NEK7: variants seen among roughly 807,000 people sequenced by gnomAD.
The protein encoded by NEK7 is NIMA related kinase 7.
NEK7 carries 18 observed loss-of-function variants against 44.6 expected under a neutral mutation model. The ratio of observed to expected loss-of-function variants is 0.40; its 90% CI spans 0.28 to 0.60. NEK7 has a LOEUF of 0.60. NEK7 is among the 20% of genes least tolerant of loss of function. The probability of loss-of-function intolerance (pLI) is 0.38; values close to 1 mark genes in which losing one functional copy is unlikely to be tolerated. For missense variants in NEK7, 256 were observed against 366.5 expected, an observed-to-expected ratio of 0.70 and a Z score of 2.46; for synonymous variants, 130 against 121.1, an observed-to-expected ratio of 1.07 and a Z score of -0.48.
At chr1:198,225,394 G>A (rs1666187834) in intron 1 of NEK7, among the ~76,000 whole-genome samples, 1 of 152,078 alleles carries the variant, frequency 6.6e-6, no homozygotes, top group Admixed American at 6.6e-5. Context: ...TTGAAAGCTG[G>A]TGGGGGATGA....
chr1:198,167,026 A>T (rs1664288237), intron 1 of NEK7, among the ~76,000 whole-genome samples: 1 of 152,214 alleles, frequency 6.6e-6, no homozygotes, highest in Admixed American at 6.5e-5. Flanking sequence ...TTCTGTCACC[A>T]TTCTGCAGGC....
At chr1:198,269,089 T>C (rs1248059606) in intron 5 of NEK7, among the ~76,000 whole-genome samples, 4 of 152,068 alleles carry the variant, frequency 2.6e-5, no homozygotes, top group Non-Finnish European at 5.9e-5. Context: ...ATTTTATTGG[T>C]GTTTGTATTT....
intron 8 of NEK7, among the ~76,000 whole-genome samples, chr1:198,296,290 T>G (rs1654713376): frequency 6.6e-6 from 1 of 152,234 alleles, no homozygotes; most frequent in African/African-American, 2.4e-5. Context: ...CTTGCTGCTG[T>G]GGTTCAAAGA....
intron 1 of NEK7, among the ~76,000 whole-genome samples, chr1:198,175,947 A>ATG: frequency 6.6e-6 from 1 of 152,306 alleles, no homozygotes; most frequent in South Asian, 2.1e-4. Context: ...AGAGATAATG[A>ATG]TGTGAGACCT....
chr1:198,279,035 C>G lies in NEK7; in HGVS notation c.563C>G (p.Ser188Ter), dbSNP rs775916237. 1 of 1,607,522 alleles carries G rather than the reference C, an allele frequency of 6.2e-7. No individual in the cohort carries two copies. The highest frequency in any genetic ancestry group is 8.5e-7 in the Non-Finnish European group (1 of 1,174,762). Residue 188 changes from serine to a stop codon, truncating the protein, a stop_gained, in exon 7 of 10, where the codon TCA (serine) becomes TGA (stop). Coordinates refer to ENST00000367385, the MANE Select transcript of NEK7 (RefSeq NM_133494.3). LOFTEE classifies it high-confidence loss of function. The stretch of plus-strand genomic sequence containing the variant: ...CTTGGGCTTGGCCGGTTTTTCAGCT[C>G]AAAAACCACAGCTGCACATTCTTTA... The part of the protein sequence containing the change: ...GDLGLGRFFS[S>*]KTTAAHSLVG...
intron 1 of NEK7, among the ~76,000 whole-genome samples, chr1:198,195,255 A>C (rs1473846969): frequency 6.6e-6 from 1 of 152,192 alleles, no homozygotes; most frequent in Non-Finnish European, 1.5e-5. Context: ...AGACTAAAAA[A>C]AAACAGGGAG....
At chr1:198,240,973 G>A (rs555406544) in intron 2 of NEK7, among the ~76,000 whole-genome samples, 5 of 152,310 alleles carry the variant, frequency 3.3e-5, no homozygotes, top group East Asian at 3.9e-4. Context: ...GATTACAGGC[G>A]TGAGCCACCA....
rs917871654 is a variant in NEK7, at chr1:198,173,244, C to T, written c.-29+15968C>T. ...GGGAGTTCAAGACCAGCATGAGCAA[C>T]ATAGGGAGACCCTGTCTCTACAAAA... On this transcript the variant is annotated intron_variant, in intron 1 of 9. Coordinates refer to ENST00000367385, the MANE Select transcript of NEK7 (RefSeq NM_133494.3). Among the ~76,000 whole-genome samples the T allele has an allele frequency of 2.6e-5, 4 of 151,904 alleles. No homozygotes were observed. In the South Asian group the frequency reaches 8.3e-4, roughly 31 times the overall value.
chr1:198,287,759 A>G lies in NEK7; in HGVS notation c.590-5186A>G, dbSNP rs187552882. Among the ~76,000 whole-genome samples, 14 of 151,826 alleles carry G rather than the reference A, an allele frequency of 9.2e-5. No homozygotes were observed. In the East Asian group the frequency reaches 2.5e-3, roughly 27 times the overall value. On this transcript the variant is annotated intron_variant, in intron 7 of 9. Coordinates refer to ENST00000367385, the MANE Select transcript of NEK7 (RefSeq NM_133494.3). Reference sequence around the variant, plus strand: ...AAAAAGCTAACTAAAACTCTCTGATATTGATCCTTGTGCTAAACAAATATT... The same window carrying G: ...AAAAAGCTAACTAAAACTCTCTGATGTTGATCCTTGTGCTAAACAAATATT...
At chr1:198,318,428 T>A (rs1655438212) in intron 9 of NEK7, among the ~76,000 whole-genome samples, 1 of 152,202 alleles carries the variant, frequency 6.6e-6, no homozygotes, top group Non-Finnish European at 1.5e-5. Context: ...TTTTTAATCA[T>A]CACTTGTATT....
intron 3 of NEK7, among the ~76,000 whole-genome samples, chr1:198,255,229 C>G (rs1653215579): frequency 6.6e-6 from 1 of 152,094 alleles, no homozygotes; most frequent in African/African-American, 2.4e-5. Flanking sequence ...ATTGTGGACT[C>G]TCAAGTAGAG....
intron 1 of NEK7, among the ~76,000 whole-genome samples, chr1:198,175,328 C>A (rs1664574732): frequency 6.6e-6 from 1 of 151,710 alleles, no homozygotes; most frequent in South Asian, 2.1e-4. Context: ...TGTGATTTTT[C>A]TGTTATTGAG....
intron 1 of NEK7, among the ~76,000 whole-genome samples, chr1:198,165,047 C>T (rs1163678262): frequency 6.6e-6 from 1 of 152,212 alleles, no homozygotes; most frequent in Non-Finnish European, 1.5e-5. Context: ...AAAGCGACTC[C>T]TCATCCATTG....
intron 5 of NEK7, among the ~76,000 whole-genome samples, chr1:198,266,416 A>G (rs914043371): frequency 1.3e-5 from 2 of 152,110 alleles, no homozygotes; most frequent in African/African-American, 4.8e-5. Context: ...ACTATGTGCC[A>G]GGTGCATGGT....
intron 2 of NEK7, among the ~76,000 whole-genome samples, chr1:198,234,608 G>T (rs1259015634): frequency 1.3e-5 from 2 of 152,192 alleles, no homozygotes; most frequent in African/African-American, 4.8e-5. Flanking sequence ...GGTCGGAGTG[G>T]CAGTAGGAAG....
chr1:198,277,924 TTA>T, intron 5 of NEK7, 35 bp from the exon 6 acceptor site: 2 of 1,255,350 alleles, frequency 1.6e-6, no homozygotes, highest in African/African-American at 3.0e-5. Flanking sequence ...TTGAGAAATT[TTA>T]GTTTTTATAG....
At chr1:198,249,198 T>A (rs1652809505) in intron 2 of NEK7, among the ~76,000 whole-genome samples, 1 of 152,172 alleles carries the variant, frequency 6.6e-6, no homozygotes, top group South Asian at 2.1e-4. Context: ...GTTTCATCCA[T>A]GTCCCTACAA....
intron 8 of NEK7, among the ~76,000 whole-genome samples, chr1:198,295,868 A>G (rs1654703951): frequency 6.6e-6 from 1 of 150,826 alleles, no homozygotes; most frequent in African/African-American, 2.4e-5. Context: ...TTCCTCTCAG[A>G]GTGTTTTATA....
rs1226016426 is a variant in NEK7, at chr1:198,277,955, A to C, written c.373-6A>C. 1 of 1,567,312 alleles carries C rather than the reference A, an allele frequency of 6.4e-7. No individual in the cohort carries two copies. The highest frequency in any genetic ancestry group is 1.7e-5 in the Admixed American group (1 of 58,456). On this transcript the variant is annotated splice_polypyrimidine_tract_variant and splice_region_variant and intron_variant, in intron 5 of 9. Transcript: ENST00000367385. ...TTTATAGTTCTTATTTTTAATTTTCAAAAAGCATTTTAAGAAGCAAAAGAG... is the reference window on the plus strand; with the variant it reads ...TTTATAGTTCTTATTTTTAATTTTCCAAAAGCATTTTAAGAAGCAAAAGAG...
Sources: allele counts gnomAD v4.1 joint callset (sites outside exome capture counted in the v4.1 genomes callset), GRCh38; gene constraint gnomAD v4.1.1; transcripts MANE v1.5; gene names NCBI Gene and HGNC (gene_info 2026-07-23, HGNC 2026-07-21).